HEATR6: variants seen among roughly 807,000 people sequenced by gnomAD.
HEATR6 encodes HEAT repeat containing 6, also known as HEAT repeat-containing protein 6.
A neutral mutation model predicts 132.8 loss-of-function variants in HEATR6; 106 were observed. The ratio of observed to expected loss-of-function variants is 0.80; its 90% CI spans 0.68 to 0.94. The LOEUF is 0.94. Ranked by LOEUF, HEATR6 falls within the 40% of genes least tolerant of loss-of-function variation. The pLI, the probability that HEATR6 is intolerant of heterozygous loss-of-function variation, is 0.00. For missense variants in HEATR6, 1,339 were observed against 1,425.1 expected (o/e 0.94, Z 0.97); for synonymous variants, 529 against 537.8 (o/e 0.98, Z 0.23).
chr17:60,055,472 T>A (rs1318191059), intron 14 of HEATR6, 43 bp downstream of exon 14: 1 of 1,334,250 alleles, frequency 7.5e-7, no homozygotes, highest in East Asian at 2.3e-5. Flanking sequence ...AAACTGCAAC[T>A]GAAGCATTAA....
intron 14 of HEATR6, among the ~76,000 whole-genome samples, chr17:60,051,441 G>C (rs1260875238): frequency 1.3e-5 from 2 of 152,228 alleles, no homozygotes; most frequent in African/African-American, 4.8e-5. Context: ...ATCTGCAGCA[G>C]GGGTGAACTA....
At chr17:60,055,840 T>G (rs1433679676) in intron 13 of HEATR6, among the ~76,000 whole-genome samples, 1 of 152,252 alleles carries the variant, frequency 6.6e-6, no homozygotes, top group Non-Finnish European at 1.5e-5. Context: ...CTTTCTTTTT[T>G]CAGTCACTGT....
At chr17:60,054,867 A>T (rs1906693798) in intron 14 of HEATR6, among the ~76,000 whole-genome samples, 1 of 152,194 alleles carries the variant, frequency 6.6e-6, no homozygotes, top group African/African-American at 2.4e-5. Flanking sequence ...TGAGAGGAAC[A>T]TGAGATTTGT....
At position 60,046,035 on chromosome 17, in the gene HEATR6, G is replaced by A. The variant is rs1232649787; in HGVS notation, c.2964C>T (p.Ala988=). ...GGGAAACTTTCTTACCTAAAGGAAGGGCAGGATTTTTAAATACATTTCCCA... is the reference window on the plus strand; with the variant it reads ...GGGAAACTTTCTTACCTAAAGGAAGAGCAGGATTTTTAAATACATTTCCCA... ...YAMGNVFKNP[A]LPLGTAPWTS... is the part of the protein sequence containing the mutation. Residue 988 remains alanine (A), a synonymous_variant, in exon 19 of 20, where the codon GCC becomes GCT. Coordinates refer to ENST00000184956, the MANE Select transcript of HEATR6 (RefSeq NM_022070.5). 1.2e-6 allele frequency: 2 copies of A among 1,613,272 alleles called. No homozygotes were observed. The highest frequency in any genetic ancestry group is 8.5e-7 in the Non-Finnish European group (1 of 1,179,412).
chr17:60,047,655 C>T (rs575991562), intron 17 of HEATR6, among the ~76,000 whole-genome samples: 46 of 150,758 alleles, frequency 3.1e-4, no homozygotes, highest in African/African-American at 1.1e-3. Context: ...AATATAAAAG[C>T]CTACAAGCCT....
intron 9 of HEATR6, among the ~76,000 whole-genome samples, chr17:60,062,765 A>G (rs1476988146): frequency 6.6e-6 from 1 of 152,118 alleles, no homozygotes; most frequent in African/African-American, 2.4e-5. Flanking sequence ...CCCCACCCAA[A>G]TCTCAACTTG....
chr17:60,059,743 G>A (rs531878096), intron 10 of HEATR6, 147 bp downstream of exon 10: 10 of 695,838 alleles, frequency 1.4e-5, no homozygotes, highest in East Asian at 1.0e-4. Flanking sequence ...AAGATCAGAC[G>A]AGTAGGTACA....
chr17:60,048,972 CATATATATATAATATAT>C (rs1435378996), intron 16 of HEATR6, among the ~76,000 whole-genome samples: 113 of 59,524 alleles, frequency 1.9e-3, no homozygotes, highest in African/African-American at 0.012. Flanking sequence ...AAATAAATAA[CATATATATATAATATAT>C]ATATATATAT....
At chr17:60,074,039 AG>A in intron 2 of HEATR6, 153 bp from the exon 3 acceptor site, 1 of 1,359,598 alleles carries the variant, frequency 7.4e-7, no homozygotes, top group Non-Finnish European at 9.5e-7. Context: ...AGGGCCTGAA[AG>A]TTTGATCAAC....
rs979732463 is a variant in HEATR6 at position 60,073,244 on chromosome 17, T to C, written c.504A>G (p.Leu168=). The C allele has an allele frequency of 1.2e-6, 2 of 1,613,486 alleles. No individual in the cohort carries two copies. Among genetic ancestry groups the C allele is most frequent in the African/African-American group, 1.3e-5 (1 of 74,894 alleles). ...ACTGAGCCAAGTCACTCAACTTCAT[T>C]AAGAGTCCGGTGTTGCCTAGCAGCT... ...LPELLGNTGL[L]MKLSDLAQSD... The change falls in exon 4 of 20, where the codon TTA becomes TTG. Residue 168 remains leucine, a synonymous_variant. Transcript: ENST00000184956.
At position 60,042,432 on chromosome 17, in the gene HEATR6, G is replaced by A. The variant is rs1568595033; in HGVS notation, c.*1131C>T. 2.1e-5 allele frequency among the ~76,000 whole-genome samples: 2 copies of A among 94,382 alleles called. No homozygotes were observed. The highest frequency in any genetic ancestry group is 2.0e-4 in the Admixed American group (2 of 10,064). The allele number at this position is 94,382 out of a possible 152,430, so 61.9% of individuals were successfully genotyped here. ...TGTGAGGCACTGTCAGCATCCTCGC[G>A]TCCTGTGCGGCTGTGAGGCACTGTC... is the stretch of plus-strand genomic sequence containing the variant. On this transcript the variant is annotated 3_prime_UTR_variant, in exon 20 of 20. Coordinates refer to ENST00000184956, the MANE Select transcript of HEATR6 (RefSeq NM_022070.5).
At chr17:60,072,191 C>A in intron 5 of HEATR6, 24 bp downstream of exon 5, 1 of 1,267,382 alleles carries the variant, frequency 7.9e-7, no homozygotes. Context: ...GCAACATTCA[C>A]TACGTCAATG....
chr17:60,046,246 T>C lies in HEATR6; in HGVS notation c.2770-17A>G, dbSNP rs1426867228. 1.3e-6 allele frequency: 2 copies of C among 1,575,186 alleles called. No homozygotes were observed. Among genetic ancestry groups the C allele is most frequent in the Non-Finnish European group, 8.6e-7 (1 of 1,158,706 alleles). ...GCTTTTTACCTAGAAAAAATGTAAA[T>C]GCTTTAGAAATCTGTTTGGCCAAAG... On this transcript the variant is annotated splice_polypyrimidine_tract_variant and intron_variant, in intron 18 of 19. Transcript: ENST00000184956.
At chr17:60,052,509 T>C (rs1299411585) in intron 14 of HEATR6, among the ~76,000 whole-genome samples, 1 of 152,192 alleles carries the variant, frequency 6.6e-6, no homozygotes, top group Non-Finnish European at 1.5e-5. Context: ...AGGGAGAAGT[T>C]TGAATTCAAA....
chr17:60,059,631 GC>G (rs374689984), intron 10 of HEATR6, 110 bp from the exon 11 acceptor site: 6 of 728,650 alleles, frequency 8.2e-6, no homozygotes, highest in African/African-American at 3.6e-5. Context: ...CTAAAAATTA[GC>G]CCCCCTTTTT....
intron 8 of HEATR6, among the ~76,000 whole-genome samples, chr17:60,067,001 T>G (rs978900888): frequency 2.6e-5 from 4 of 152,074 alleles, no homozygotes; most frequent in Non-Finnish European, 5.9e-5. Context: ...CCGGGCGCGG[T>G]GGCTCACGCC....
intron 9 of HEATR6, among the ~76,000 whole-genome samples, chr17:60,061,353 C>T (rs1266189915): frequency 2.6e-5 from 4 of 152,130 alleles, no homozygotes; most frequent in Non-Finnish European, 4.4e-5. Context: ...AGTACAGTAG[C>T]ATCAGACTTC....
chr17:60,078,657 G>A (rs1021902686), intron 1 of HEATR6, 39 bp downstream of exon 1: 17 of 1,493,622 alleles, frequency 1.1e-5, no homozygotes, highest in African/African-American at 2.8e-5. Context: ...TCCCGGAGGG[G>A]TGGGGCCGGG....
intron 6 of HEATR6, 111 bp from the exon 7 acceptor site, chr17:60,069,959 CATAG>C (rs1244986488): frequency 7.8e-6 from 10 of 1,274,166 alleles, no homozygotes; most frequent in South Asian, 1.5e-5. Context: ...TCACAACACT[CATAG>C]ATAATGTTCA....
Sources: allele counts gnomAD v4.1 joint callset (sites outside exome capture counted in the v4.1 genomes callset), GRCh38; gene constraint gnomAD v4.1.1; transcripts MANE v1.5; gene names NCBI Gene and HGNC (gene_info 2026-07-23, HGNC 2026-07-21).